Variants in CAPN13 observed in about 807,000 individuals in gnomAD.
The protein encoded by CAPN13 is calpain 13, also known as calpain-13.
A neutral mutation model predicts 98.4 loss-of-function variants in CAPN13; 90 were observed. That is an observed-to-expected ratio of 0.92 (90% CI 0.77 to 1.09). The LOEUF is 1.09. Ranked by LOEUF, CAPN13 falls within the 50% of genes least tolerant of loss-of-function variation. CAPN13 has a pLI of 0.00. For missense variants in CAPN13, 887 were observed against 841.3 expected (o/e 1.05, Z -0.67); for synonymous variants, 330 against 305.5 (o/e 1.08, Z -0.84).
At chr2:30,734,729 A>G (rs1671273358) in intron 18 of CAPN13, among the ~76,000 whole-genome samples, 1 of 151,956 alleles carries the variant, frequency 6.6e-6, no homozygotes, top group South Asian at 2.1e-4. Flanking sequence ...CTCCTCACCC[A>G]TGCTCCTTCC....
In CAPN13 at chr2:30,754,334, C is replaced by T. The variant is rs376724434; in HGVS notation, c.897G>A (p.Pro299=). ...GSQEWEETCD[P]RKSQLHKKRE... ...GTTTCTTATGTAGCTGGCTTTTCCG[C>T]GGATCACAGGTTTCCTCCCACTCCT... is the stretch of plus-strand genomic sequence containing the variant. The change falls in exon 9 of 23, where the codon CCG becomes CCA. Residue 299 remains proline, a synonymous_variant. Transcript: ENST00000295055. 1.3e-5 allele frequency: 21 copies of T among 1,606,038 alleles called. No homozygotes were observed. The African/African-American group carries it at 1.5e-4, about 11-fold the overall frequency.
intron 19 of CAPN13, among the ~76,000 whole-genome samples, chr2:30,732,883 C>G (rs1465430660): frequency 1.3e-5 from 2 of 152,184 alleles, no homozygotes; most frequent in Non-Finnish European, 2.9e-5. Context: ...AGCTCTGCCT[C>G]TGTCAAACTT....
At chr2:30,789,814 A>G (rs946887371) in intron 1 of CAPN13, among the ~76,000 whole-genome samples, 3 of 152,246 alleles carry the variant, frequency 2.0e-5, no homozygotes, top group Non-Finnish European at 1.5e-5. Context: ...CAGAGGCCCA[A>G]CACTGTCTAA....
chr2:30,726,901 A>C (rs1378084410), intron 22 of CAPN13, among the ~76,000 whole-genome samples: 2 of 152,170 alleles, frequency 1.3e-5, no homozygotes, highest in Non-Finnish European at 2.9e-5. Flanking sequence ...TAGTCTTGAA[A>C]AGTAAAATAA....
chr2:30,800,552 C>T (rs1458765066), intron 1 of CAPN13, among the ~76,000 whole-genome samples: 1 of 152,170 alleles, frequency 6.6e-6, no homozygotes, highest in Non-Finnish European at 1.5e-5. Context: ...GTCGCTCCCT[C>T]CCCTAGCCTC....
chr2:30,770,234 C>G, intron 5 of CAPN13, 79 bp downstream of exon 5: 1 of 1,557,844 alleles, frequency 6.4e-7, no homozygotes, highest in Non-Finnish European at 8.7e-7. Context: ...TGCAATGCTC[C>G]AACAGGGACT....
At chr2:30,756,730 A>G (rs2148002269) in intron 8 of CAPN13, among the ~76,000 whole-genome samples, 1 of 152,326 alleles carries the variant, frequency 6.6e-6, no homozygotes, top group South Asian at 2.1e-4. Context: ...TGGAAAGGGC[A>G]AAGGATACAC....
intron 5 of CAPN13, among the ~76,000 whole-genome samples, chr2:30,768,105 C>T (rs1160963092): frequency 6.6e-6 from 1 of 152,208 alleles, no homozygotes; most frequent in African/African-American, 2.4e-5. Context: ...TTCCCTTGCC[C>T]CTTCACGGTG....
In CAPN13 at chr2:30,742,419, C is replaced by T. The variant is rs949539213; in HGVS notation, c.1446-60G>A. 2.6e-5 allele frequency: 40 copies of T among 1,560,068 alleles called. No homozygotes were observed. The East Asian group carries it at 8.9e-4, about 35-fold the overall frequency. On this transcript the variant is annotated intron_variant, in intron 13 of 22. Transcript: ENST00000295055. ...CAGCTCACCACTCAAAGGGGGCCTG[C>T]ATATAGAGGGCACCCAGGTGGCACT...
In CAPN13 at chr2:30,756,758, A is replaced by C. The variant is rs144046845; in HGVS notation, c.866+1288T>G. ...GGATACACCTGGGAAGGAAGAAAGA[A>C]TAGAGGTGAGAGAGGAGAAACGGGG... On this transcript the variant is annotated intron_variant, in intron 8 of 22. Transcript: ENST00000295055. Among the ~76,000 whole-genome samples, 240 of 152,318 alleles carry C rather than the reference A, an allele frequency of 1.6e-3. 1 individual carries two copies. Among genetic ancestry groups the C allele is most frequent in the Middle Eastern group, 0.01 (3 of 294 alleles).
chr2:30,778,440 C>A (rs989681003), intron 2 of CAPN13, among the ~76,000 whole-genome samples: 5 of 152,202 alleles, frequency 3.3e-5, no homozygotes, highest in Non-Finnish European at 5.9e-5. Context: ...ACCAGCCAGC[C>A]CTCTAGACTT....
chr2:30,781,066 G>GTCCCACT (rs1434000954), intron 2 of CAPN13, among the ~76,000 whole-genome samples: 1 of 152,212 alleles, frequency 6.6e-6, no homozygotes, highest in Non-Finnish European at 1.5e-5. Context: ...AGACTGCTGT[G>GTCCCACT]TCCCACTTCC....
At chr2:30,788,898 C>T (rs1674464541) in intron 1 of CAPN13, among the ~76,000 whole-genome samples, 1 of 152,150 alleles carries the variant, frequency 6.6e-6, no homozygotes, top group Admixed American at 6.5e-5. Flanking sequence ...TTTACATTTA[C>T]ATTTGAACTA....
At chr2:30,792,515 C>G (rs1674653702) in intron 1 of CAPN13, among the ~76,000 whole-genome samples, 1 of 151,900 alleles carries the variant, frequency 6.6e-6, no homozygotes, top group Non-Finnish European at 1.5e-5. Context: ...ACAGAAGAAA[C>G]AGAAAATCTG....
intron 10 of CAPN13, among the ~76,000 whole-genome samples, chr2:30,751,811 T>C (rs1672187872): frequency 6.6e-6 from 1 of 152,212 alleles, no homozygotes; most frequent in Non-Finnish European, 1.5e-5. Flanking sequence ...GGGGGAGCTC[T>C]GCAAGGGAGT....
intron 3 of CAPN13, among the ~76,000 whole-genome samples, chr2:30,776,702 G>C (rs10495778): frequency 0.058 from 8,811 of 152,154 alleles, 402 homozygotes; most frequent in African/African-American, 0.12. Context: ...CTTGGATGTC[G>C]TTGTAAGCCC....
chr2:30,771,802 C>T (rs1673426751), intron 4 of CAPN13, among the ~76,000 whole-genome samples: 1 of 152,218 alleles, frequency 6.6e-6, no homozygotes, highest in Non-Finnish European at 1.5e-5. Context: ...AGATAACTCT[C>T]TGGGACTCAG....
At chr2:30,781,569 C>T (rs953784103) in intron 2 of CAPN13, among the ~76,000 whole-genome samples, 8 of 152,242 alleles carry the variant, frequency 5.3e-5, no homozygotes, top group Non-Finnish European at 7.4e-5. Flanking sequence ...AAAAGATAAA[C>T]GGAAAATTTG....
intron 17 of CAPN13, chr2:30,738,007 C>CA (rs1671462884): frequency 1.4e-5 from 7 of 516,708 alleles, no homozygotes; most frequent in South Asian, 4.1e-5. Flanking sequence ...ACACACACAC[C>CA]CCAGTACACT....
Sources: gnomAD v4.1 joint callset for allele counts (sites outside exome capture counted in the v4.1 genomes callset) on GRCh38, gnomAD v4.1.1 for gene constraint, MANE v1.5 for transcripts, NCBI Gene and HGNC (gene_info 2026-07-23, HGNC 2026-07-21) for gene names.